BTRC: variants seen among roughly 807,000 people sequenced by gnomAD.
The protein encoded by BTRC is beta-transducin repeat containing E3 ubiquitin protein ligase, also known as F-box/WD repeat-containing protein 1A.
A neutral mutation model predicts 85.5 loss-of-function variants in BTRC; 42 were observed. The ratio of observed to expected loss-of-function variants is 0.49; its 90% CI spans 0.38 to 0.64. The LOEUF (loss-of-function observed/expected upper bound fraction) is 0.64, where lower values mean the gene tolerates loss of function less well. Ranked by LOEUF, BTRC falls within the 30% of genes least tolerant of loss-of-function variation. The pLI is 0.00. For missense variants in BTRC, 594 were observed against 743.5 expected (o/e 0.80, Z 2.34); for synonymous variants, 255 against 263.3 (o/e 0.97, Z 0.30).
intron 1 of BTRC, among the ~76,000 whole-genome samples, chr10:101,386,963 G>A (rs528575236): frequency 3.2e-4 from 48 of 152,216 alleles, no homozygotes; most frequent in African/African-American, 1.1e-3. Flanking sequence ...TTGATGTGAC[G>A]AAGGGATTCC....
chr10:101,404,773 C>T (rs1232040030), intron 1 of BTRC, among the ~76,000 whole-genome samples: 2 of 152,082 alleles, frequency 1.3e-5, no homozygotes, highest in African/African-American at 4.8e-5. Flanking sequence ...CCGAGGTGGG[C>T]GGATCACGAG....
chr10:101,447,171 T>G (rs1944849702), intron 2 of BTRC, among the ~76,000 whole-genome samples: 1 of 152,182 alleles, frequency 6.6e-6, no homozygotes, highest in East Asian at 1.9e-4. Context: ...TAATTATCCA[T>G]TATGATTGAG....
intron 1 of BTRC, among the ~76,000 whole-genome samples, chr10:101,387,657 G>A (rs1943119289): frequency 6.7e-6 from 1 of 149,356 alleles, no homozygotes; most frequent in Non-Finnish European, 1.5e-5. Context: ...TTCCCGAGTT[G>A]TTGGGATTAC....
At chr10:101,454,659 G>A (rs1945029570) in intron 2 of BTRC, among the ~76,000 whole-genome samples, 1 of 152,118 alleles carries the variant, frequency 6.6e-6, no homozygotes, top group African/African-American at 2.4e-5. Flanking sequence ...GCGTATACCT[G>A]TAGTCTTAGC....
At chr10:101,379,085 AAATT>A (rs1223413036) in intron 1 of BTRC, among the ~76,000 whole-genome samples, 1 of 152,266 alleles carries the variant, frequency 6.6e-6, no homozygotes, top group Non-Finnish European at 1.5e-5. Flanking sequence ...AAAGCTAGTC[AAATT>A]AATTGAGAAG....
chr10:101,545,449 G>T (rs569519294), intron 13 of BTRC, among the ~76,000 whole-genome samples: 1 of 152,236 alleles, frequency 6.6e-6, no homozygotes, highest in African/African-American at 2.4e-5. Flanking sequence ...TTTATATGAT[G>T]TCTTAACCAC....
intron 2 of BTRC, among the ~76,000 whole-genome samples, chr10:101,461,459 A>G (rs999015948): frequency 3.3e-5 from 5 of 152,146 alleles, no homozygotes; most frequent in African/African-American, 1.2e-4. Context: ...GTGCCAAGGA[A>G]TGGACTCTAA....
At chr10:101,511,077 C>T (rs1946690068) in intron 4 of BTRC, among the ~76,000 whole-genome samples, 1 of 152,202 alleles carries the variant, frequency 6.6e-6, no homozygotes, top group Admixed American at 6.5e-5. Flanking sequence ...GTGACTATTT[C>T]AAAACCTCCA....
At position 101,451,647 on chromosome 10, in the gene BTRC, T is replaced by C. The variant is rs146503724; in HGVS notation, c.157-10334T>C. Reference sequence around the variant, plus strand: ...TTGCCTGCATAGACAATATATTTTTTCCCCCCTGAGGTCCCCACACACCTA... The same window carrying C: ...TTGCCTGCATAGACAATATATTTTTCCCCCCCTGAGGTCCCCACACACCTA... On this transcript the variant is annotated intron_variant, in intron 2 of 14. Transcript: ENST00000370187. Among the ~76,000 whole-genome samples the C allele has an allele frequency of 2.4e-3, 358 of 152,154 alleles. 3 individuals carry two copies. The highest frequency in any genetic ancestry group is 4.4e-3 in the Non-Finnish European group (297 of 67,986).
intron 1 of BTRC, among the ~76,000 whole-genome samples, chr10:101,428,000 CT>C (rs1477233476): frequency 6.6e-6 from 1 of 151,968 alleles, no homozygotes; most frequent in Non-Finnish European, 1.5e-5. Flanking sequence ...AGCAAGGAAG[CT>C]TTTTTTACCC....
chr10:101,470,031 G>A lies in BTRC; in HGVS notation c.234+7973G>A, dbSNP rs1945479209. ...CATTATAAGTGAAGTTACTATGAAC[G>A]TTCTTCTATAAAGGTTTTTGGTGAG... is the stretch of plus-strand genomic sequence containing the variant. On this transcript the variant is annotated intron_variant, in intron 3 of 14. Coordinates refer to ENST00000370187, the MANE Select transcript of BTRC (RefSeq NM_033637.4). 2.0e-5 allele frequency among the ~76,000 whole-genome samples: 3 copies of A among 152,214 alleles called. No individual in the cohort carries two copies. In the South Asian group the frequency reaches 6.2e-4, roughly 32 times the overall value.
chr10:101,455,449 TAGAGATATAA>T (rs1589490598), intron 2 of BTRC, among the ~76,000 whole-genome samples: 1 of 152,146 alleles, frequency 6.6e-6, no homozygotes, highest in African/African-American at 2.4e-5. Flanking sequence ...CATGTTCATG[TAGAGATATAA>T]AGAGATATAA....
At position 101,478,448 on chromosome 10, in the gene BTRC, A is replaced by AT. The variant is rs200893201; in HGVS notation, c.235-910dup. Among the ~76,000 whole-genome samples, 127 of 150,276 alleles carry AT rather than the reference A, an allele frequency of 8.5e-4. 3 individuals are homozygous for AT. The highest frequency in any genetic ancestry group is 2.1e-3 in the East Asian group (11 of 5,146). ...ATATTTCATGATTAGTTTTAAAATAATTTTTTTTTTCTGGATGGTTTAAAA... is the reference window on the plus strand; with the variant it reads ...ATATTTCATGATTAGTTTTAAAATAATTTTTTTTTTTCTGGATGGTTTAAAA... On this transcript the variant is annotated intron_variant, in intron 3 of 14. Transcript: ENST00000370187.
chr10:101,556,346 A>G lies in BTRC; in HGVS notation c.*3223A>G, dbSNP rs1231176859. 1 of 152,198 alleles carries G rather than the reference A, an allele frequency of 6.6e-6. No individual in the cohort carries two copies. Among genetic ancestry groups the G allele is most frequent in the Middle Eastern group, 3.2e-3 (1 of 316 alleles). 9.4% of individuals were successfully genotyped at this position (152,198 alleles called of 1,614,324 possible). A position where few individuals can be genotyped will look rare whatever the true frequency, so the allele number is the denominator to read the frequency against. ...ACTTAGCACTTGATTGTGTGGGGAAACAAAGGTGGGAGGGGTGGGGAATAC... is the reference window on the plus strand; with the variant it reads ...ACTTAGCACTTGATTGTGTGGGGAAGCAAAGGTGGGAGGGGTGGGGAATAC... On this transcript the variant is annotated 3_prime_UTR_variant, in exon 15 of 15. Transcript: ENST00000370187.
At chr10:101,429,540 C>T (rs1944345896) in intron 1 of BTRC, among the ~76,000 whole-genome samples, 1 of 131,986 alleles carries the variant, frequency 7.6e-6, no homozygotes, top group African/African-American at 2.8e-5. Context: ...CCTCCTCCTC[C>T]TCCTCCTTTT....
chr10:101,461,869 T>G (rs1310736562), intron 2 of BTRC, 112 bp from the exon 3 acceptor site: 1 of 734,148 alleles, frequency 1.4e-6, no homozygotes, highest in African/African-American at 1.8e-5. Context: ...TGAATAATTG[T>G]ATAAATATAT....
intron 13 of BTRC, among the ~76,000 whole-genome samples, chr10:101,544,924 C>G (rs562419142): frequency 6.6e-6 from 1 of 151,870 alleles, no homozygotes; most frequent in African/African-American, 2.4e-5. Flanking sequence ...CATGGTGGCA[C>G]GTGCCCAGTG....
rs575487312 is a variant in BTRC, at chr10:101,401,906, A to G, written c.49-28439A>G. 1.7e-3 allele frequency among the ~76,000 whole-genome samples: 256 copies of G among 152,212 alleles called. 2 individuals carry two copies. Among genetic ancestry groups the G allele is most frequent in the Middle Eastern group, 3.4e-3 (1 of 292 alleles). On this transcript the variant is annotated intron_variant, in intron 1 of 14. Transcript: ENST00000370187. ...AGAGTGCTTAGCAGGGCAAAAAAAG[A>G]AGGAAAAAAGAAAAACAGAATGTTG... is the stretch of plus-strand genomic sequence containing the variant.
intron 1 of BTRC, among the ~76,000 whole-genome samples, chr10:101,376,276 GA>G (rs752677967): frequency 7.2e-5 from 11 of 152,188 alleles, no homozygotes; most frequent in Non-Finnish European, 1.5e-4. Context: ...AGTGAGCCAA[GA>G]TTATGCCACT....
Sources: allele counts gnomAD v4.1 joint callset (sites outside exome capture counted in the v4.1 genomes callset), GRCh38; gene constraint gnomAD v4.1.1; transcripts MANE v1.5; gene names NCBI Gene and HGNC (gene_info 2026-07-23, HGNC 2026-07-21).